Variants in CNTN5 observed in about 807,000 individuals in gnomAD.
CNTN5 encodes the protein contactin 5.
In CNTN5, 77 loss-of-function variants were observed where a neutral mutation model predicts 129.1. The ratio of observed to expected loss-of-function variants is 0.60; its 90% CI spans 0.50 to 0.72. The LOEUF (loss-of-function observed/expected upper bound fraction) is 0.72, where lower values mean the gene tolerates loss of function less well. Ranked by LOEUF, CNTN5 falls within the 30% of genes least tolerant of loss-of-function variation. CNTN5 has a pLI of 0.00. For missense variants in CNTN5, 1,478 were observed against 1,328.8 expected (o/e 1.11, Z -1.75); for synonymous variants, 509 against 465.6 (o/e 1.09, Z -1.20).
At chr11:100,115,791 G>A (rs1945822770) in intron 13 of CNTN5, among the ~76,000 whole-genome samples, 1 of 151,962 alleles carries the variant, frequency 6.6e-6, no homozygotes, top group African/African-American at 2.4e-5. Flanking sequence ...TTATTTAAAT[G>A]GAAAATTAGA....
At position 99,984,196 on chromosome 11, in the gene CNTN5, G is replaced by A. The variant is rs993425731; in HGVS notation, c.878-17838G>A. On this transcript the variant is annotated intron_variant, in intron 8 of 24. Transcript: ENST00000524871. ...GAAGTCTGAGTCGAGAGAATCGCTT[G>A]AACCAAGGAGGTGGAGGCTGCAGTG... Among the ~76,000 whole-genome samples the A allele has an allele frequency of 7.9e-5, 12 of 152,072 alleles. No individual in the cohort carries two copies. In the East Asian group the frequency reaches 2.3e-3, roughly 29 times the overall value.
intron 19 of CNTN5, 129 bp from the exon 20 acceptor site, chr11:100,299,033 A>G (rs553143178): frequency 3.4e-6 from 2 of 586,754 alleles, no homozygotes; most frequent in East Asian, 2.9e-5. Context: ...TTTGGCTTCC[A>G]ATGTAGTATA....
chr11:100,179,000 G>A lies in CNTN5; in HGVS notation c.1581-12126G>A, dbSNP rs183712489. 6.8e-4 allele frequency among the ~76,000 whole-genome samples: 103 copies of A among 152,180 alleles called. No individual in the cohort carries two copies. In the Middle Eastern group the frequency reaches 0.01, roughly 15 times the overall value. On this transcript the variant is annotated intron_variant, in intron 13 of 24. Coordinates refer to ENST00000524871, the MANE Select transcript of CNTN5 (RefSeq NM_014361.4). ...TATACAAGTATGGGGCACATGACCT[G>A]TTTTGATACAGGAATACAATGTGTA...
Position 99,790,583 on chromosome 11 carries a change from T to C in CNTN5, c.56-28961T>C, listed in dbSNP as rs181747547. Among the ~76,000 whole-genome samples the C allele has an allele frequency of 2.0e-5, 3 of 152,208 alleles. No homozygotes were observed. In the East Asian group the frequency reaches 5.8e-4, roughly 29 times the overall value. ...TACCCAGTCTACCATTCATGGGAAT[T>C]TAGGTTGACTCCGTGTCTTTAATAT... is the stretch of plus-strand genomic sequence containing the variant. On this transcript the variant is annotated intron_variant, in intron 3 of 24. Transcript: ENST00000524871.
intron 13 of CNTN5, among the ~76,000 whole-genome samples, chr11:100,185,572 G>C (rs534642147): frequency 2.6e-4 from 39 of 152,322 alleles, no homozygotes; most frequent in African/African-American, 6.7e-4. Flanking sequence ...ATTTTTGGAA[G>C]CAGAGGAAGG....
intron 1 of CNTN5, among the ~76,000 whole-genome samples, chr11:99,218,239 T>G (rs1860228203): frequency 6.6e-6 from 1 of 152,166 alleles, no homozygotes; most frequent in African/African-American, 2.4e-5. Flanking sequence ...TTGATTTTCC[T>G]TTGACTTAAT....
chr11:99,061,924 C>T (rs530819868), intron 1 of CNTN5, among the ~76,000 whole-genome samples: 4 of 151,168 alleles, frequency 2.6e-5, no homozygotes, highest in South Asian at 4.2e-4. Context: ...CCCAGGAGTT[C>T]GAGGTTACAG....
chr11:99,206,569 T>A (rs1419404635), intron 1 of CNTN5, among the ~76,000 whole-genome samples: 1 of 112,732 alleles, frequency 8.9e-6, no homozygotes, highest in African/African-American at 3.5e-5. Flanking sequence ...AGTGTGTTTG[T>A]GTATGTGTAT....
intron 1 of CNTN5, among the ~76,000 whole-genome samples, chr11:99,284,396 T>A (rs917495053): frequency 1.1e-4 from 16 of 152,156 alleles, no homozygotes; most frequent in African/African-American, 3.1e-4. Context: ...ACTTTTTCTG[T>A]TATGCTAATT....
chr11:99,804,511 A>G (rs1252519562), intron 3 of CNTN5, among the ~76,000 whole-genome samples: 6 of 151,584 alleles, frequency 4.0e-5, no homozygotes, highest in African/African-American at 7.2e-5. Flanking sequence ...TGAGTCTACA[A>G]TACGGTATAA....
chr11:99,647,362 A>T (rs1205960866), intron 3 of CNTN5, among the ~76,000 whole-genome samples: 3 of 151,938 alleles, frequency 2.0e-5, no homozygotes, highest in African/African-American at 7.2e-5. Flanking sequence ...ACGTGGATTT[A>T]TTTCTGGCTT....
chr11:99,927,312 T>C lies in CNTN5; in HGVS notation c.673+11163T>C, dbSNP rs576870223. Among the ~76,000 whole-genome samples the C allele has an allele frequency of 5.8e-4, 88 of 152,282 alleles. No homozygotes were observed. The Middle Eastern group carries it at 0.01, about 18-fold the overall frequency. Reference sequence around the variant, plus strand: ...AAGTTGCCTAAAATCCCATGGCTAATAAATAAAAACACAGAGATCCAGGTC... The same window carrying C: ...AAGTTGCCTAAAATCCCATGGCTAACAAATAAAAACACAGAGATCCAGGTC... On this transcript the variant is annotated intron_variant, in intron 7 of 24. Transcript: ENST00000524871.
intron 1 of CNTN5, among the ~76,000 whole-genome samples, chr11:99,288,961 T>A (rs1357866363): frequency 6.6e-6 from 1 of 151,810 alleles, no homozygotes; most frequent in Non-Finnish European, 1.5e-5. Flanking sequence ...GGTTCCTAGA[T>A]CCTCACAGAG....
At chr11:99,666,147 T>C (rs1354235775) in intron 3 of CNTN5, among the ~76,000 whole-genome samples, 1 of 152,104 alleles carries the variant, frequency 6.6e-6, no homozygotes, top group Non-Finnish European at 1.5e-5. Context: ...TTTGTATTTT[T>C]AGTGGTGACA....
intron 3 of CNTN5, among the ~76,000 whole-genome samples, chr11:99,790,865 A>C (rs1055616288): frequency 6.6e-6 from 1 of 151,866 alleles, no homozygotes; most frequent in Non-Finnish European, 1.5e-5. Flanking sequence ...TGCCATTTTG[A>C]CTGTTGTCTT....
intron 3 of CNTN5, among the ~76,000 whole-genome samples, chr11:99,705,866 C>G (rs1293718589): frequency 6.6e-6 from 1 of 151,330 alleles, no homozygotes. Flanking sequence ...AGGATCCTCA[C>G]AATCTAATAA....
At chr11:99,314,179 T>A (rs1865237294) in intron 1 of CNTN5, among the ~76,000 whole-genome samples, 1 of 152,008 alleles carries the variant, frequency 6.6e-6, no homozygotes, top group Admixed American at 6.6e-5. Context: ...TGGCATAACA[T>A]AATATATAAA....
intron 3 of CNTN5, among the ~76,000 whole-genome samples, chr11:99,648,680 G>C (rs928966877): frequency 3.3e-5 from 5 of 151,750 alleles, no homozygotes; most frequent in Non-Finnish European, 5.9e-5. Flanking sequence ...AAGAGGAAAC[G>C]AATAAAGAGA....
intron 2 of CNTN5, among the ~76,000 whole-genome samples, chr11:99,393,854 A>C (rs2136193497): frequency 6.6e-6 from 1 of 151,916 alleles, no homozygotes; most frequent in South Asian, 2.1e-4. Flanking sequence ...TGATTTGATT[A>C]GTGGGCACAC....
Sources: gnomAD v4.1 joint callset for allele counts (sites outside exome capture counted in the v4.1 genomes callset) on GRCh38, gnomAD v4.1.1 for gene constraint, MANE v1.5 for transcripts, NCBI Gene and HGNC (gene_info 2026-07-23, HGNC 2026-07-21) for gene names.